The following PDE7B variants were observed in gnomAD, a reference collection of about 807,000 sequenced individuals.
PDE7B encodes the protein phosphodiesterase 7B, also known as 3',5'-cyclic-AMP phosphodiesterase 7B.
In PDE7B, 29 loss-of-function variants were observed where a neutral mutation model predicts 56.2. The ratio of observed to expected loss-of-function variants is 0.52; its 90% CI spans 0.38 to 0.70. The LOEUF is 0.70. Ranked by LOEUF, PDE7B falls within the 30% of genes least tolerant of loss-of-function variation. The pLI is 0.00. For missense variants in PDE7B, 490 were observed against 565.0 expected (o/e 0.87, Z 1.35); for synonymous variants, 197 against 196.9 (o/e 1.00, Z 0.00).
chr6:136,047,840 T>C (rs7747433), intron 2 of PDE7B, among the ~76,000 whole-genome samples: 42,317 of 152,074 alleles, frequency 0.28, 8,446 homozygotes, highest in African/African-American at 0.56. Context: ...GAATAAAGGA[T>C]ATTATGACCT....
At chr6:136,037,069 C>T (rs1776335540) in intron 2 of PDE7B, among the ~76,000 whole-genome samples, 1 of 152,240 alleles carries the variant, frequency 6.6e-6, no homozygotes, top group African/African-American at 2.4e-5. Context: ...GCCCTCGATT[C>T]AACCACTCTC....
At chr6:136,047,388 T>G (rs893789262) in intron 2 of PDE7B, 2 of 152,372 alleles carry the variant, frequency 1.3e-5, no homozygotes, top group Non-Finnish European at 2.9e-5. Flanking sequence ...TCATACAATG[T>G]ATTGTATTCT....
chr6:135,862,247 C>T (rs1012922141), intron 1 of PDE7B, among the ~76,000 whole-genome samples: 1 of 151,718 alleles, frequency 6.6e-6, no homozygotes, highest in African/African-American at 2.4e-5. Context: ...CCTTTTATTC[C>T]TAGTTTGCTA....
At chr6:136,037,041 T>A (rs1170672662) in intron 2 of PDE7B, among the ~76,000 whole-genome samples, 1 of 152,212 alleles carries the variant, frequency 6.6e-6, no homozygotes, top group East Asian at 1.9e-4. Context: ...ACAAGAGGCA[T>A]GGCCCACAGT....
Position 136,175,301 on chromosome 6 carries a change from C to T in PDE7B, c.803+1413C>T, listed in dbSNP as rs148695590. On this transcript the variant is annotated intron_variant, in intron 9 of 12. Transcript: ENST00000308191. Reference sequence around the variant, plus strand: ...ATAATCATTATTATTCCTTCTATCACAGGTAAATGCTTTAATGTCATTTTT... The same window carrying T: ...ATAATCATTATTATTCCTTCTATCATAGGTAAATGCTTTAATGTCATTTTT... 1.1e-3 allele frequency among the ~76,000 whole-genome samples: 174 copies of T among 152,256 alleles called. 1 individual carries two copies. The highest frequency in any genetic ancestry group is 3.8e-3 in the African/African-American group (157 of 41,570).
chr6:135,984,000 G>T (rs1032228723), intron 2 of PDE7B, among the ~76,000 whole-genome samples: 4 of 152,224 alleles, frequency 2.6e-5, no homozygotes, highest in African/African-American at 7.2e-5. Context: ...TGCAAATTCT[G>T]AAGGAATAAA....
chr6:135,974,944 C>T lies in PDE7B; in HGVS notation c.82+27420C>T, dbSNP rs142930352. Reference sequence around the variant, plus strand: ...TCTGGAGCTTCTTCTGGAGATCACACACTCAAATGCCTCCAGGAGCCAAAA... The same window carrying T: ...TCTGGAGCTTCTTCTGGAGATCACATACTCAAATGCCTCCAGGAGCCAAAA... On this transcript the variant is annotated intron_variant, in intron 2 of 12. Coordinates refer to ENST00000308191, the MANE Select transcript of PDE7B (RefSeq NM_018945.4). 2.0e-4 allele frequency among the ~76,000 whole-genome samples: 31 copies of T among 152,214 alleles called. No individual in the cohort carries two copies. In the East Asian group the frequency reaches 6.0e-3, roughly 29 times the overall value.
intron 1 of PDE7B, among the ~76,000 whole-genome samples, chr6:135,929,483 A>G (rs1774257141): frequency 6.6e-6 from 1 of 152,206 alleles, no homozygotes; most frequent in Non-Finnish European, 1.5e-5. Flanking sequence ...AAAATACTTC[A>G]TTTTTAAATT....
intron 1 of PDE7B, among the ~76,000 whole-genome samples, chr6:135,854,896 A>G (rs1036650958): frequency 2.0e-5 from 3 of 152,244 alleles, no homozygotes; most frequent in African/African-American, 2.4e-5. Flanking sequence ...TTCAGTACAG[A>G]GAGTGAAATA....
At chr6:136,001,957 C>G (rs28801174) in intron 2 of PDE7B, among the ~76,000 whole-genome samples, 5,560 of 151,864 alleles carry the variant, frequency 0.037, 343 homozygotes, top group African/African-American at 0.13. Flanking sequence ...AGAGAAAGGT[C>G]GGGTTACCCA....
chr6:135,964,055 T>C (rs998144585), intron 2 of PDE7B, among the ~76,000 whole-genome samples: 19 of 152,082 alleles, frequency 1.2e-4, no homozygotes, highest in Non-Finnish European at 2.5e-4. Flanking sequence ...AAAATTAAAA[T>C]GTGTTGTGAC....
intron 3 of PDE7B, among the ~76,000 whole-genome samples, chr6:136,126,041 AAAT>A (rs775821082): frequency 6.6e-6 from 1 of 152,224 alleles, no homozygotes; most frequent in Non-Finnish European, 1.5e-5. Flanking sequence ...AACTTATGAC[AAAT>A]AATGTTTTCA....
intron 2 of PDE7B, among the ~76,000 whole-genome samples, chr6:136,091,959 C>G (rs1777394807): frequency 6.6e-6 from 1 of 152,174 alleles, no homozygotes; most frequent in South Asian, 2.1e-4. Context: ...TCAACAGTTA[C>G]AATTATACAT....
chr6:136,154,315 T>C (rs1291026418), intron 7 of PDE7B, 140 bp downstream of exon 7: 2 of 535,618 alleles, frequency 3.7e-6, no homozygotes, highest in East Asian at 5.9e-5. Context: ...ATATTAAGGT[T>C]CCAGTATCAG....
intron 2 of PDE7B, among the ~76,000 whole-genome samples, chr6:136,067,540 T>C (rs1176946834): frequency 6.6e-6 from 1 of 152,206 alleles, no homozygotes; most frequent in Non-Finnish European, 1.5e-5. Context: ...AATTAAGACT[T>C]GACTAGCAAT....
At position 136,022,134 on chromosome 6, in the gene PDE7B, T is replaced by C. The variant is rs117451721; in HGVS notation, c.82+74610T>C. Among the ~76,000 whole-genome samples, 262 of 152,360 alleles carry C rather than the reference T, an allele frequency of 1.7e-3. 4 individuals are homozygous for C. In the East Asian group the frequency reaches 0.028, roughly 16 times the overall value. ...TGCCTGGTTGCCTTCTTGTTGTCCT[T>C]AATTTTCAGCTGAAACGTCACTTAC... On this transcript the variant is annotated intron_variant, in intron 2 of 12. Transcript: ENST00000308191.
chr6:136,067,266 G>T (rs781388868), intron 2 of PDE7B, among the ~76,000 whole-genome samples: 1 of 152,088 alleles, frequency 6.6e-6, no homozygotes, highest in East Asian at 1.9e-4. Flanking sequence ...AAAATTTTCA[G>T]CTTAAAGCAT....
At chr6:136,097,490 C>T (rs908741241) in intron 2 of PDE7B, among the ~76,000 whole-genome samples, 5 of 152,136 alleles carry the variant, frequency 3.3e-5, no homozygotes, top group Non-Finnish European at 7.4e-5. Flanking sequence ...AGCATCAGCA[C>T]CCTACAAACT....
chr6:135,932,298 A>G (rs1416916601), intron 1 of PDE7B, among the ~76,000 whole-genome samples: 2 of 152,160 alleles, frequency 1.3e-5, no homozygotes, highest in Non-Finnish European at 1.5e-5. Context: ...TAAATAACTT[A>G]AAGAGTGTAA....
Sources: gnomAD v4.1 joint callset for allele counts (sites outside exome capture counted in the v4.1 genomes callset) on GRCh38, gnomAD v4.1.1 for gene constraint, MANE v1.5 for transcripts, NCBI Gene and HGNC (gene_info 2026-07-23, HGNC 2026-07-21) for gene names.